The following ANO3 variants were observed in gnomAD, a reference collection of about 807,000 sequenced individuals.
The protein encoded by ANO3 is anoctamin 3.
ANO3 carries 99 observed loss-of-function variants against 144.8 expected under a neutral mutation model. That is an observed-to-expected ratio of 0.68 (90% CI 0.58 to 0.81). The LOEUF (loss-of-function observed/expected upper bound fraction) is 0.81. Among genes scored for constraint, ANO3 ranks in the 30% least tolerant of loss-of-function variants. The pLI, the probability that ANO3 is intolerant of heterozygous loss-of-function variation, is 0.00. For missense variants in ANO3, 905 were observed against 1,202.2 expected (o/e 0.75, Z 3.66); for synonymous variants, 414 against 392.6 (o/e 1.05, Z -0.64).
chr11:26,361,998 A>G (rs1855940810), intron 1 of ANO3, among the ~76,000 whole-genome samples: 1 of 152,188 alleles, frequency 6.6e-6, no homozygotes, highest in Non-Finnish European at 1.5e-5. Context: ...GGAGTTGTAC[A>G]GTACTCCCTC....
rs563526769 is a variant in ANO3, at chr11:26,481,228, C to T, written c.432+18080C>T. Among the ~76,000 whole-genome samples the T allele has an allele frequency of 1.1e-4, 17 of 152,000 alleles. No individual in the cohort carries two copies. The South Asian group carries it at 2.1e-3, about 19-fold the overall frequency. ...AGCTAGCCTTTACCCACACCATAGA[C>T]GATTTTATGTGAAACGGGAAGTGAG... On this transcript the variant is annotated intron_variant, in intron 4 of 26. Coordinates refer to ENST00000256737, the MANE Select transcript of ANO3 (RefSeq NM_031418.4).
At chr11:26,496,685 A>G (rs1351676377) in intron 4 of ANO3, among the ~76,000 whole-genome samples, 1 of 150,870 alleles carries the variant, frequency 6.6e-6, no homozygotes, top group Non-Finnish European at 1.5e-5. Context: ...CACTCCCCTC[A>G]CTCTCCAAGC....
intron 26 of ANO3, among the ~76,000 whole-genome samples, chr11:26,659,870 G>A (rs1249552729): frequency 6.6e-6 from 1 of 152,088 alleles, no homozygotes; most frequent in African/African-American, 2.4e-5. Flanking sequence ...ATTCTATGTG[G>A]TTTACATGAT....
intron 1 of ANO3, among the ~76,000 whole-genome samples, chr11:26,297,475 T>C (rs938592665): frequency 2.0e-5 from 3 of 152,188 alleles, no homozygotes; most frequent in African/African-American, 7.2e-5. Context: ...TCAAGGGTCC[T>C]CTTAATCCAC....
chr11:26,583,209 A>G (rs1205812192), intron 14 of ANO3, among the ~76,000 whole-genome samples: 2 of 152,226 alleles, frequency 1.3e-5, no homozygotes, highest in South Asian at 2.1e-4. Context: ...AATAAACATG[A>G]TGATGCTTAC....
chr11:26,593,323 T>G (rs923124960), intron 14 of ANO3, among the ~76,000 whole-genome samples: 3 of 152,140 alleles, frequency 2.0e-5, no homozygotes, highest in African/African-American at 7.2e-5. Context: ...GGAGTGGGGC[T>G]TTCAGGCATA....
At chr11:26,525,952 A>G (rs1047536184) in intron 7 of ANO3, among the ~76,000 whole-genome samples, 14 of 152,130 alleles carry the variant, frequency 9.2e-5, no homozygotes, top group Non-Finnish European at 1.0e-4. Flanking sequence ...ATGTTATGAT[A>G]TTTTAATTTT....
intron 14 of ANO3, among the ~76,000 whole-genome samples, chr11:26,580,646 A>G (rs1169265937): frequency 6.6e-6 from 1 of 152,220 alleles, no homozygotes; most frequent in East Asian, 1.9e-4. Flanking sequence ...TGATGAAAAC[A>G]GTGCTTTCCT....
intron 1 of ANO3, among the ~76,000 whole-genome samples, chr11:26,294,786 G>C (rs1184049803): frequency 6.6e-6 from 1 of 152,048 alleles, no homozygotes; most frequent in African/African-American, 2.4e-5. Flanking sequence ...CTTTTTCTTT[G>C]GCATATCTTT....
intron 1 of ANO3, among the ~76,000 whole-genome samples, chr11:26,364,416 C>G (rs766167526): frequency 6.6e-6 from 1 of 152,136 alleles, no homozygotes. Flanking sequence ...TAAATCTCCC[C>G]GGGTTAGGCC....
At chr11:26,295,564 T>C (rs1314166410) in intron 1 of ANO3, among the ~76,000 whole-genome samples, 1 of 150,606 alleles carries the variant, frequency 6.6e-6, no homozygotes, top group Non-Finnish European at 1.5e-5. Context: ...GTAAACCTAA[T>C]TGAAAACATT....
intron 20 of ANO3, among the ~76,000 whole-genome samples, chr11:26,637,687 A>G (rs897554549): frequency 6.6e-6 from 1 of 152,190 alleles, no homozygotes; most frequent in South Asian, 2.1e-4. Flanking sequence ...CTCTTCATGC[A>G]GTAAGCATGA....
Position 26,303,233 on chromosome 11 carries a change from G to T in ANO3, c.155-6412G>T, listed in dbSNP as rs1401740382. Among the ~76,000 whole-genome samples the T allele has an allele frequency of 2.6e-5, 4 of 152,152 alleles. No homozygotes were observed. The East Asian group carries it at 7.7e-4, about 29-fold the overall frequency. The stretch of plus-strand genomic sequence containing the variant: ...AAATAAATCGTTCTGCCAAAAAGAT[G>T]CATGCAGTTGTATGTTCATCACAGC... On this transcript the variant is annotated intron_variant, in intron 1 of 27. Transcript: ENST00000672621.
intron 1 of ANO3, among the ~76,000 whole-genome samples, chr11:26,402,567 A>G (rs1022144020): frequency 6.6e-6 from 1 of 151,888 alleles, no homozygotes; most frequent in Non-Finnish European, 1.5e-5. Context: ...ATTTTCTCCC[A>G]TTCTGTAGAT....
chr11:26,339,362 C>T (rs934059226), intron 1 of ANO3, among the ~76,000 whole-genome samples: 3 of 152,088 alleles, frequency 2.0e-5, no homozygotes, highest in Non-Finnish European at 2.9e-5. Context: ...ACCATGTTGG[C>T]CAGGCTGGTC....
At chr11:26,199,595 C>G (rs1166775354) in intron 1 of ANO3, among the ~76,000 whole-genome samples, 1 of 152,160 alleles carries the variant, frequency 6.6e-6, no homozygotes, top group Non-Finnish European at 1.5e-5. Context: ...TTCTTTTACA[C>G]TCTGAGAAAC....
At chr11:26,395,118 G>C (rs1188983673) in intron 1 of ANO3, among the ~76,000 whole-genome samples, 1 of 152,176 alleles carries the variant, frequency 6.6e-6, no homozygotes, top group East Asian at 1.9e-4. Flanking sequence ...AAACAGAGGA[G>C]ATTCCATTGG....
At position 26,221,685 on chromosome 11, in the gene ANO3, C is replaced by T. The variant is rs375168573; in HGVS notation, c.154+32355C>T. 2.0e-5 allele frequency among the ~76,000 whole-genome samples: 3 copies of T among 151,328 alleles called. No homozygotes were observed. In the South Asian group the frequency reaches 6.2e-4, roughly 31 times the overall value. ...GGCATCTACTCAGCTTTTGGTGAAG[C>T]CTCAGGAAGATTTCAATCATGTCAG... On this transcript the variant is annotated intron_variant, in intron 1 of 27. Coordinates refer to the ANO3 transcript ENST00000672621.
At chr11:26,242,855 G>A (rs777517085) in intron 1 of ANO3, among the ~76,000 whole-genome samples, 1 of 152,136 alleles carries the variant, frequency 6.6e-6, no homozygotes, top group Non-Finnish European at 1.5e-5. Context: ...TGGTAACTGT[G>A]ACTATTACTG....
Sources: allele counts gnomAD v4.1 joint callset (sites outside exome capture counted in the v4.1 genomes callset), GRCh38; gene constraint gnomAD v4.1.1; transcripts MANE v1.5; gene names NCBI Gene and HGNC (gene_info 2026-07-23, HGNC 2026-07-21).